Variants in ZFR2 observed in about 807,000 individuals in gnomAD.
The protein encoded by ZFR2 is zinc finger RNA binding protein 2.
A neutral mutation model predicts 105.7 loss-of-function variants in ZFR2; 104 were observed. The ratio of observed to expected loss-of-function variants is 0.98; its 90% CI spans 0.84 to 1.16. The LOEUF (loss-of-function observed/expected upper bound fraction) is 1.16. ZFR2 is among the 50% of genes most tolerant of loss of function. The pLI is 0.00. For missense variants in ZFR2, 1,425 were observed against 1,355.5 expected, an observed-to-expected ratio of 1.05 and a Z score of -0.80; for synonymous variants, 634 against 597.7, an observed-to-expected ratio of 1.06 and a Z score of -0.89.
intron 17 of ZFR2, among the ~76,000 whole-genome samples, chr19:3,808,081 G>C (rs1361943536): frequency 6.7e-6 from 1 of 148,620 alleles, no homozygotes; most frequent in African/African-American, 2.5e-5. Context: ...GTGTGTGCAA[G>C]TACATCCATG....
At position 3,831,294 on chromosome 19, in the gene ZFR2, G is replaced by C; in HGVS notation, c.852+9C>G. ...CCTGGGGCCTGCCCATGGCAGGAGGGCGACTGACCTGGGGGCCAGCGCAGC... is the reference window on the plus strand; with the variant it reads ...CCTGGGGCCTGCCCATGGCAGGAGGCCGACTGACCTGGGGGCCAGCGCAGC... On this transcript the variant is annotated intron_variant, in intron 5 of 18. Transcript: ENST00000262961. 6.6e-7 allele frequency: 1 copy of C among 1,511,228 alleles called. No individual in the cohort carries two copies. Among genetic ancestry groups the C allele is most frequent in the Non-Finnish European group, 8.9e-7 (1 of 1,128,774 alleles). 93.6% of individuals were successfully genotyped at this position (1,511,228 alleles called of 1,614,324 possible).
At chr19:3,856,610 A>T (rs1446205841) in intron 1 of ZFR2, among the ~76,000 whole-genome samples, 1 of 152,236 alleles carries the variant, frequency 6.6e-6, no homozygotes, top group East Asian at 1.9e-4. Flanking sequence ...GTCTCTATGG[A>T]TTCACCTGTA....
chr19:3,820,675 A>AG, intron 10 of ZFR2, among the ~76,000 whole-genome samples: 1 of 151,746 alleles, frequency 6.6e-6, no homozygotes, highest in South Asian at 2.1e-4. Flanking sequence ...AGGGGGACAC[A>AG]GGAGACTCCA....
At chr19:3,809,845 G>A (rs12984140) in intron 16 of ZFR2, among the ~76,000 whole-genome samples, 10 of 152,174 alleles carry the variant, frequency 6.6e-5, no homozygotes, top group Non-Finnish European at 1.5e-4. Flanking sequence ...TCGGGAGGCT[G>A]AGGCAGGAGA....
intron 1 of ZFR2, among the ~76,000 whole-genome samples, chr19:3,859,210 G>A (rs1402708619): frequency 6.6e-6 from 1 of 152,166 alleles, no homozygotes; most frequent in African/African-American, 2.4e-5. Flanking sequence ...CCCATGCTGG[G>A]TGCCTCCTGC....
Position 3,805,933 on chromosome 19 carries a change from G to C in ZFR2, c.*16C>G, listed in dbSNP as rs972217716. ...TGCAGGGATGCAAAGGCCCGCAGGT[G>C]GGGGAGGTAGGCGGCTCACACGAGC... On this transcript the variant is annotated 3_prime_UTR_variant, in exon 19 of 19. Transcript: ENST00000262961. 2.0e-6 allele frequency: 3 copies of C among 1,519,888 alleles called. No individual in the cohort carries two copies. Among genetic ancestry groups the C allele is most frequent in the East Asian group, 2.5e-5 (1 of 39,688 alleles). The allele number at this position is 1,519,888 out of a possible 1,614,324, so 94.2% of individuals were successfully genotyped here.
intron 6 of ZFR2, among the ~76,000 whole-genome samples, chr19:3,826,672 A>G (rs1427460244): frequency 6.6e-6 from 1 of 151,782 alleles, no homozygotes; most frequent in Admixed American, 6.6e-5. Flanking sequence ...TCCCAACCTC[A>G]TGCGATCCAC....
chr19:3,827,689 T>C, intron 5 of ZFR2, 36 bp from the exon 6 acceptor site: 1 of 1,556,498 alleles, frequency 6.4e-7, no homozygotes, highest in Non-Finnish European at 8.7e-7. Flanking sequence ...TGGGCGGGGG[T>C]TTGCACACTG....
At chr19:3,811,037 G>C (rs1012658030) in intron 15 of ZFR2, among the ~76,000 whole-genome samples, 192 bp from the exon 16 acceptor site, 1 of 152,174 alleles carries the variant, frequency 6.6e-6, no homozygotes, top group Non-Finnish European at 1.5e-5. Flanking sequence ...GCCACGAGAC[G>C]GCAGCGTCCC....
chr19:3,816,327 C>T (rs4806956), intron 13 of ZFR2, among the ~76,000 whole-genome samples: 1 of 149,020 alleles, frequency 6.7e-6, no homozygotes, highest in Non-Finnish European at 1.5e-5. Flanking sequence ...CTCAGTGCAA[C>T]CTCTGCCTCC....
chr19:3,817,306 C>T (rs2037836077), intron 12 of ZFR2, among the ~76,000 whole-genome samples: 1 of 151,998 alleles, frequency 6.6e-6, no homozygotes, highest in South Asian at 2.1e-4. Context: ...CGCCTGTAAT[C>T]CCAGCACTTT....
intron 11 of ZFR2, among the ~76,000 whole-genome samples, 193 bp downstream of exon 11, chr19:3,819,989 A>G (rs922216338): frequency 1.3e-5 from 2 of 152,096 alleles, no homozygotes; most frequent in Non-Finnish European, 2.9e-5. Context: ...AGCAGAAGGG[A>G]TCTCTGTGGC....
At chr19:3,868,913 G>T in intron 1 of ZFR2, 52 bp downstream of exon 1, 1 of 1,243,326 alleles carries the variant, frequency 8.0e-7, no homozygotes, top group African/African-American at 1.6e-5. Context: ...CGGGGTCCCG[G>T]CCAGGCTGCA....
At position 3,869,036 on chromosome 19, in the gene ZFR2, C is replaced by A. The variant is rs751627147; in HGVS notation, c.-19G>T. The A allele has an allele frequency of 4.2e-5, 56 of 1,340,700 alleles. No individual in the cohort carries two copies. The highest frequency in any genetic ancestry group is 1.5e-4 in the African/African-American group (10 of 65,480). 83.1% of individuals were successfully genotyped at this position (1,340,700 alleles called of 1,614,324 possible). A position where few individuals can be genotyped will look rare whatever the true frequency, so the allele number is the denominator to read the frequency against. On this transcript the variant is annotated 5_prime_UTR_variant, in exon 1 of 19. Transcript: ENST00000262961. ...TCGCCATCTTGGCGTCTTCCCCGAG[C>A]CTGGCGGACCCGCGACGTCACCCGC...
intron 1 of ZFR2, 129 bp from the exon 2 acceptor site, chr19:3,835,112 GC>G: frequency 9.6e-7 from 1 of 1,045,030 alleles, no homozygotes; most frequent in Non-Finnish European, 1.4e-6. Context: ...CCTCCTAGGA[GC>G]CCAGGCACGG....
chr19:3,867,975 C>T (rs1336093376), intron 1 of ZFR2, among the ~76,000 whole-genome samples: 1 of 151,898 alleles, frequency 6.6e-6, no homozygotes, highest in Non-Finnish European at 1.5e-5. Flanking sequence ...GTGCCCTCCA[C>T]ACTCGAATGT....
intron 1 of ZFR2, among the ~76,000 whole-genome samples, chr19:3,862,116 C>T (rs72975121): frequency 2.5e-3 from 385 of 152,254 alleles, no homozygotes; most frequent in Non-Finnish European, 4.4e-3. Context: ...TTTCCAGGGC[C>T]ATTTGAAAAT....
chr19:3,864,116 A>C (rs1185078798), intron 1 of ZFR2, among the ~76,000 whole-genome samples: 3 of 152,130 alleles, frequency 2.0e-5, no homozygotes, highest in Admixed American at 6.6e-5. Context: ...AATTGCAGGG[A>C]GGAAGTGCCT....
At chr19:3,833,833 C>A in intron 2 of ZFR2, 55 bp from the exon 3 acceptor site, 2 of 1,410,226 alleles carry the variant, frequency 1.4e-6, no homozygotes, top group Non-Finnish European at 1.9e-6. Flanking sequence ...GCAGCTCAGG[C>A]GGTGGGTGCG....
Sources: allele counts gnomAD v4.1 joint callset (sites outside exome capture counted in the v4.1 genomes callset), GRCh38; gene constraint gnomAD v4.1.1; transcripts MANE v1.5; gene names NCBI Gene and HGNC (gene_info 2026-07-23, HGNC 2026-07-21).